Variants in USP25 observed in about 807,000 individuals in gnomAD.
USP25 encodes ubiquitin carboxyl-terminal hydrolase 25.
In USP25, 85 loss-of-function variants were observed where a neutral mutation model predicts 158.5. The observed-to-expected ratio is 0.54, with a 90% CI of 0.45 to 0.64. The LOEUF is 0.64. USP25 is among the 30% of genes least tolerant of loss of function. The probability of loss-of-function intolerance (pLI) is 0.00; values close to 1 mark genes in which losing one functional copy is unlikely to be tolerated. For synonymous variants in USP25, 464 were observed against 460.4 expected, an observed-to-expected ratio of 1.01 and a Z score of -0.10; for missense variants, 1,242 against 1,327.3, an observed-to-expected ratio of 0.94 and a Z score of 1.00.
intron 1 of USP25, among the ~76,000 whole-genome samples, chr21:15,762,413 T>A (rs1174608469): frequency 6.6e-6 from 1 of 152,208 alleles, no homozygotes; most frequent in Non-Finnish European, 1.5e-5. Flanking sequence ...CTATTCAATT[T>A]AGAATCTTTT....
At chr21:15,801,859 G>T (rs1172723813) in intron 6 of USP25, among the ~76,000 whole-genome samples, 2 of 151,584 alleles carry the variant, frequency 1.3e-5, no homozygotes, top group East Asian at 3.9e-4. Context: ...AGATTTGAAA[G>T]AAATCTAGTA....
chr21:15,761,811 T>C (rs2033744344), intron 1 of USP25, among the ~76,000 whole-genome samples: 1 of 152,180 alleles, frequency 6.6e-6, no homozygotes, highest in Non-Finnish European at 1.5e-5. Context: ...AAGTGTACTT[T>C]ACTTCCTTTC....
chr21:15,791,638 A>G lies in USP25; in HGVS notation c.529A>G (p.Thr177Ala). The G allele has an allele frequency of 6.2e-7, 1 of 1,610,734 alleles. No homozygotes were observed. Among genetic ancestry groups the G allele is most frequent in the Non-Finnish European group, 8.5e-7 (1 of 1,177,960 alleles). Residue 177 changes from threonine (T) to alanine (A), a missense_variant, in exon 5 of 26, where the codon ACT becomes GCT. Thr to Ala is a moderately conservative substitution (Grantham distance 58). Around this residue, in one of 3 missense-constraint regions of USP25, gnomAD observed 627 missense variants for 701.4 expected, o/e 0.89. Coordinates refer to ENST00000400183, the MANE Select transcript of USP25 (RefSeq NM_001283041.3). ...CGTTGGGCTAAAGAATGTTGGCAAT[A>G]CTTGTTGGTTTAGTGCTGTTATTCA... The part of the protein sequence containing the change: ...APVGLKNVGN[T>A]CWFSAVIQSL...
intron 18 of USP25, among the ~76,000 whole-genome samples, chr21:15,846,153 TATA>T (rs1339111815): frequency 0.016 from 927 of 59,590 alleles, 25 homozygotes; most frequent in African/African-American, 0.027. Flanking sequence ...TATATATATA[TATA>T]TATTTTTTTT....
chr21:15,781,784 A>G (rs992422964), intron 4 of USP25, among the ~76,000 whole-genome samples: 1 of 152,130 alleles, frequency 6.6e-6, no homozygotes, highest in Non-Finnish European at 1.5e-5. Context: ...GCCAGCAGTC[A>G]CTGCTACAAG....
At chr21:15,806,280 A>C (rs1357009607) in intron 7 of USP25, among the ~76,000 whole-genome samples, 1 of 151,992 alleles carries the variant, frequency 6.6e-6, no homozygotes, top group Non-Finnish European at 1.5e-5. Flanking sequence ...CTGGTTCTAA[A>C]TGTGTTTTAC....
At chr21:15,867,873 G>A (rs537789900) in intron 22 of USP25, among the ~76,000 whole-genome samples, 2 of 152,132 alleles carry the variant, frequency 1.3e-5, no homozygotes, top group South Asian at 4.1e-4. Flanking sequence ...AAATAAATGG[G>A]CATACATATG....
intron 4 of USP25, among the ~76,000 whole-genome samples, chr21:15,779,413 G>A (rs1412975322): frequency 1.3e-5 from 2 of 151,668 alleles, no homozygotes; most frequent in Non-Finnish European, 2.9e-5. Flanking sequence ...TATGTGAAAA[G>A]GGTTATAAAA....
intron 17 of USP25, 89 bp from the exon 18 acceptor site, chr21:15,842,309 A>G: frequency 7.1e-7 from 1 of 1,400,034 alleles, no homozygotes. Flanking sequence ...TTCTTACATA[A>G]CTTCAGACAT....
intron 9 of USP25, among the ~76,000 whole-genome samples, chr21:15,818,022 C>G (rs141324765): frequency 1.3e-5 from 2 of 152,148 alleles, no homozygotes; most frequent in African/African-American, 4.8e-5. Context: ...CTACACTAAC[C>G]TCCTGTTAGT....
intron 4 of USP25, among the ~76,000 whole-genome samples, chr21:15,786,264 G>A (rs531692431): frequency 6.6e-6 from 1 of 152,204 alleles, no homozygotes; most frequent in African/African-American, 2.4e-5. Flanking sequence ...TTAAAGAGGA[G>A]GGAATACTTC....
At chr21:15,793,946 T>C (rs1465095810) in intron 5 of USP25, among the ~76,000 whole-genome samples, 1 of 151,686 alleles carries the variant, frequency 6.6e-6, no homozygotes, top group Non-Finnish European at 1.5e-5. Context: ...AATTGACTTT[T>C]TACTTGTGAA....
intron 4 of USP25, among the ~76,000 whole-genome samples, chr21:15,787,382 G>A (rs1044498333): frequency 2.6e-5 from 4 of 152,032 alleles, no homozygotes; most frequent in African/African-American, 9.7e-5. Flanking sequence ...CCAAAACAAT[G>A]ATATTGGTGT....
rs1601211656 is a variant in USP25 at position 15,730,163 on chromosome 21, C to T, written c.-231C>T. The T allele has an allele frequency of 2.9e-5, 6 of 208,992 alleles. No homozygotes were observed. The highest frequency in any genetic ancestry group is 1.7e-4 in the South Asian group (1 of 5,978). 12.9% of individuals were successfully genotyped at this position (208,992 alleles called of 1,614,324 possible). On this transcript the variant is annotated 5_prime_UTR_variant, in exon 1 of 26. Transcript: ENST00000400183. ...GGACGAGCGGCGCTGAGGCGGGCCG[C>T]GTGGAGACGTGAGGCGGCCGCCGTG...
intron 19 of USP25, among the ~76,000 whole-genome samples, chr21:15,848,922 C>CTT (rs1465735076): frequency 6.6e-6 from 1 of 152,080 alleles, no homozygotes; most frequent in Non-Finnish European, 1.5e-5. Context: ...CTTCATAGGG[C>CTT]TTTGAGTAAT....
intron 23 of USP25, among the ~76,000 whole-genome samples, chr21:15,872,753 C>T (rs187870547): frequency 5.3e-5 from 8 of 152,152 alleles, no homozygotes; most frequent in Middle Eastern, 3.4e-3. Context: ...TTTGATTTGC[C>T]ATGAATGTAT....
chr21:15,850,967 A>G (rs545051354), intron 20 of USP25, among the ~76,000 whole-genome samples: 1 of 152,100 alleles, frequency 6.6e-6, no homozygotes, highest in East Asian at 1.9e-4. Flanking sequence ...AAGGTTGAAA[A>G]TCTACTTCTA....
At chr21:15,730,905 G>C (rs1009422561) in intron 1 of USP25, among the ~76,000 whole-genome samples, 14 of 151,368 alleles carry the variant, frequency 9.2e-5, no homozygotes, top group African/African-American at 3.2e-4. Context: ...TTGACCAGGT[G>C]GACTCTAGAA....
At chr21:15,741,746 G>A (rs773862774) in intron 1 of USP25, among the ~76,000 whole-genome samples, 2 of 152,164 alleles carry the variant, frequency 1.3e-5, no homozygotes, top group South Asian at 2.1e-4. Flanking sequence ...TGTCAGAGAT[G>A]TAGCTAAAGG....
Sources: gnomAD v4.1 joint callset for allele counts (sites outside exome capture counted in the v4.1 genomes callset) on GRCh38, gnomAD v4.1.1 for gene constraint, gnomAD v4.1.1 regional missense constraint, MANE v1.5 for transcripts, NCBI Gene and HGNC (gene_info 2026-07-23, HGNC 2026-07-21) for gene names.